PLA2G7: variants seen among roughly 807,000 people sequenced by gnomAD.
PLA2G7 encodes platelet-activating factor acetylhydrolase.
In PLA2G7, 63 loss-of-function variants were observed where a neutral mutation model predicts 49.6. The observed-to-expected ratio is 1.27, with a 90% CI of 1.04 to 1.57. The LOEUF is 1.57. PLA2G7 is among the 40% of genes most tolerant of loss of function. The pLI, the probability that PLA2G7 is intolerant of heterozygous loss-of-function variation, is 0.00. For missense variants in PLA2G7, 596 were observed against 521.2 expected (o/e 1.14, Z -1.40); for synonymous variants, 193 against 169.9 (o/e 1.14, Z -1.06).
chr6:46,705,446 A>T (rs982105234), intron 10 of PLA2G7, 145 bp from the exon 11 acceptor site: 2 of 681,230 alleles, frequency 2.9e-6, no homozygotes, highest in Non-Finnish European at 5.1e-6. Flanking sequence ...ATCTACTTAG[A>T]TGTGTTTCAA....
chr6:46,716,299 TG>T, intron 4 of PLA2G7, 84 bp downstream of exon 4: 1 of 1,376,502 alleles, frequency 7.3e-7, no homozygotes, highest in Non-Finnish European at 1.0e-6. Flanking sequence ...AAATCTACTT[TG>T]GTCTTAACTA....
intron 2 of PLA2G7, among the ~76,000 whole-genome samples, chr6:46,717,674 T>A (rs1219443909): frequency 6.6e-6 from 1 of 150,920 alleles, no homozygotes; most frequent in East Asian, 2.0e-4. Flanking sequence ...CCAACCACCC[T>A]ACATTCAACG....
intron 1 of PLA2G7, among the ~76,000 whole-genome samples, chr6:46,733,438 A>G (rs1021003128): frequency 2.5e-5 from 3 of 118,488 alleles, no homozygotes; most frequent in Non-Finnish European, 4.9e-5. Context: ...CAACTCCTTC[A>G]GTCTTGCTGG....
chr6:46,704,478 T>TCTCTCA lies in PLA2G7; in HGVS notation c.*81_*82insTGAGAG, dbSNP rs1441279240. ...CTCTCTCTCTCTCTCTCTCTCTCTC[T>TCTCTCA]CACACACACACACACACACACACAC... On this transcript the variant is annotated 3_prime_UTR_variant, in exon 12 of 12. Coordinates refer to ENST00000274793, the MANE Select transcript of PLA2G7 (RefSeq NM_005084.4). 5,073 of 85,548 alleles carry TCTCTCA rather than the reference T, an allele frequency of 0.059. 46 individuals are homozygous for TCTCTCA. The highest frequency in any genetic ancestry group is 0.087 in the Non-Finnish European group (3,716 of 42,828). The allele number at this position is 85,548 out of a possible 1,614,324, so 5.3% of individuals were successfully genotyped here.
Position 46,717,067 on chromosome 6 carries a change from C to A in PLA2G7, c.139G>T (p.Ala47Ser), listed in dbSNP as rs1460948837. The A allele has an allele frequency of 6.2e-7, 1 of 1,613,484 alleles. No homozygotes were observed. The highest frequency in any genetic ancestry group is 8.5e-7 in the Non-Finnish European group (1 of 1,179,506). ...TTAGTTTGGCCAAAGCTTGCAGCAG[C>A]CATCAGTACTTGTATTTTGTTGACC... The part of the protein sequence containing the change: ...AWVNKIQVLM[A>S]AASFGQTKIP... Residue 47 changes from alanine (A) to serine (S), a missense_variant, in exon 3 of 12, where the codon GCT becomes TCT. Transcript: ENST00000274793.
chr6:46,721,488 T>TA (rs1347317127), intron 2 of PLA2G7, among the ~76,000 whole-genome samples: 4 of 152,034 alleles, frequency 2.6e-5, no homozygotes, highest in Non-Finnish European at 5.9e-5. Context: ...AAAGGGATTT[T>TA]AAAAATGTTT....
At chr6:46,706,959 G>A (rs1366829287) in intron 10 of PLA2G7, among the ~76,000 whole-genome samples, 2 of 152,112 alleles carry the variant, frequency 1.3e-5, no homozygotes, top group Non-Finnish European at 2.9e-5. Flanking sequence ...AGCCCATAGT[G>A]TTTATTGCCT....
At position 46,708,046 on chromosome 6, in the gene PLA2G7, T is replaced by C; in HGVS notation, c.985A>G (p.Ile329Val). 6.3e-7 allele frequency: 1 copy of C among 1,594,796 alleles called. No individual in the cohort carries two copies. Residue 329 changes from isoleucine to valine, a missense_variant, in exon 10 of 12, where the codon ATA (isoleucine) becomes GTA (valine). Coordinates refer to ENST00000274793, the MANE Select transcript of PLA2G7 (RefSeq NM_005084.4). ...SEYFQYPANI[I>V]KMKKCYSPDK... is the part of the protein sequence containing the mutation. ...GGTGAGTAGCATTTTTTCATTTTTA[T>C]GATATTAGCAGGATATTGGAAATAT... is the stretch of plus-strand genomic sequence containing the variant.
chr6:46,715,485 G>C (rs1026849459), intron 4 of PLA2G7, among the ~76,000 whole-genome samples: 1 of 152,136 alleles, frequency 6.6e-6, no homozygotes, highest in African/African-American at 2.4e-5. Context: ...TAAAGCAGTG[G>C]TGCAATCCAT....
At chr6:46,712,886 G>A (rs1354251079) in intron 5 of PLA2G7, among the ~76,000 whole-genome samples, 3 of 152,198 alleles carry the variant, frequency 2.0e-5, no homozygotes, top group Non-Finnish European at 4.4e-5. Flanking sequence ...TTACAAGAAT[G>A]AGACCTGCAG....
intron 10 of PLA2G7, among the ~76,000 whole-genome samples, chr6:46,707,386 C>T (rs1764862978): frequency 6.6e-6 from 1 of 152,020 alleles, no homozygotes; most frequent in African/African-American, 2.4e-5. Context: ...GATCTGTGTC[C>T]CCACCAAATC....
At chr6:46,726,619 A>G (rs1765582164) in intron 1 of PLA2G7, among the ~76,000 whole-genome samples, 1 of 151,916 alleles carries the variant, frequency 6.6e-6, no homozygotes, top group South Asian at 2.1e-4. Context: ...TATTACCATA[A>G]CCCCAATCAC....
intron 3 of PLA2G7, 48 bp from the exon 4 acceptor site, chr6:46,716,576 C>T: frequency 6.3e-7 from 1 of 1,583,242 alleles, no homozygotes; most frequent in East Asian, 2.2e-5. Context: ...GTGTCTCAAA[C>T]ATATTCCAGC....
intron 7 of PLA2G7, 67 bp from the exon 8 acceptor site, chr6:46,710,725 G>T: frequency 1.6e-6 from 2 of 1,237,966 alleles, no homozygotes; most frequent in Non-Finnish European, 1.2e-6. Context: ...TAAAGTTTAG[G>T]TAGAAGCTGT....
intron 2 of PLA2G7, among the ~76,000 whole-genome samples, chr6:46,722,324 C>T (rs1193423098): frequency 2.0e-5 from 3 of 152,202 alleles, no homozygotes; most frequent in African/African-American, 7.2e-5. Context: ...ATTGTTATCT[C>T]ACATGACTTT....
At chr6:46,727,849 T>C (rs892200575) in intron 1 of PLA2G7, among the ~76,000 whole-genome samples, 4 of 152,212 alleles carry the variant, frequency 2.6e-5, no homozygotes, top group African/African-American at 7.2e-5. Context: ...AGATTCTCTC[T>C]AGAGCCTCAG....
At chr6:46,729,572 A>G (rs1158946374) in intron 1 of PLA2G7, among the ~76,000 whole-genome samples, 1 of 152,218 alleles carries the variant, frequency 6.6e-6, no homozygotes, top group African/African-American at 2.4e-5. Flanking sequence ...TAATGAAGAC[A>G]AAGAGGTTAA....
At chr6:46,735,409 C>T (rs1290181200), upstream of PLA2G7, 1 of 152,486 alleles carries the variant, frequency 6.6e-6, no homozygotes, top group African/African-American at 2.4e-5. Context: ...CTTGTGGCCC[C>T]GACCCTCTCC....
rs145990109 is a variant in PLA2G7, at chr6:46,714,425, T to G, written c.470+35A>C. 3,694 of 1,318,054 alleles carry G rather than the reference T, an allele frequency of 2.8e-3. 12 individuals are homozygous for G. The highest frequency in any genetic ancestry group is 3.2e-3 in the Non-Finnish European group (2,956 of 910,042). 81.6% of individuals were successfully genotyped at this position (1,318,054 alleles called of 1,614,324 possible). A position where few individuals can be genotyped will look rare whatever the true frequency, so the allele number is the denominator to read the frequency against. On this transcript the variant is annotated intron_variant, in intron 5 of 11. Coordinates refer to ENST00000274793, the MANE Select transcript of PLA2G7 (RefSeq NM_005084.4). ...GAATAAAAAAATTGTCATTTATTCC[T>G]GGAAGCCAAAATTGTTCAACCTCTC...
Sources: allele counts gnomAD v4.1 joint callset (sites outside exome capture counted in the v4.1 genomes callset), GRCh38; gene constraint gnomAD v4.1.1; transcripts MANE v1.5; gene names NCBI Gene and HGNC (gene_info 2026-07-23, HGNC 2026-07-21).